Variants in BACE1 observed in about 807,000 individuals in gnomAD.
BACE1 encodes beta-secretase 1, also known as APP beta-secretase.
In BACE1, 21 loss-of-function variants were observed where a neutral mutation model predicts 54.0. The observed-to-expected ratio is 0.39, with a 90% CI of 0.28 to 0.56. The LOEUF is 0.56. BACE1 is among the 20% of genes least tolerant of loss of function. The pLI is 0.63. For synonymous variants in BACE1, 232 were observed against 260.9 expected (o/e 0.89, Z 1.07); for missense variants, 511 against 661.2 (o/e 0.77, Z 2.49).
At chr11:117,300,620 C>T (rs2034704597) in intron 1 of BACE1, among the ~76,000 whole-genome samples, 2 of 152,194 alleles carry the variant, frequency 1.3e-5, no homozygotes, top group African/African-American at 4.8e-5. Flanking sequence ...GGTCACTGAA[C>T]TGGGCCAGGG....
At chr11:117,300,225 A>G (rs907287656) in intron 1 of BACE1, among the ~76,000 whole-genome samples, 1 of 151,584 alleles carries the variant, frequency 6.6e-6, no homozygotes, top group African/African-American at 2.4e-5. Context: ...CCCCAATACT[A>G]CGATTTCAGG....
chr11:117,310,056 G>A (rs2034912159), intron 1 of BACE1, among the ~76,000 whole-genome samples: 1 of 151,920 alleles, frequency 6.6e-6, no homozygotes, highest in South Asian at 2.1e-4. Flanking sequence ...TTACAGGCAT[G>A]CAGCACCACA....
At position 117,315,857 on chromosome 11, in the gene BACE1, G is replaced by A. The variant is rs918365873; in HGVS notation, c.-62C>T. 3.7e-6 allele frequency: 5 copies of A among 1,366,702 alleles called. No homozygotes were observed. In the African/African-American group the frequency reaches 7.7e-5, roughly 21 times the overall value. 84.7% of individuals were successfully genotyped at this position (1,366,702 alleles called of 1,614,324 possible). On this transcript the variant is annotated 5_prime_UTR_variant, in exon 1 of 9. Transcript: ENST00000313005. The surrounding 1 kb of genome is among the most constrained non-coding windows in gnomAD (Gnocchi z 5.5). ...TGGCCCACGTCCGTCCCTGGCGCCT[G>A]CCCCCAAGTCTGGGTGGTGCTGGTG... is the stretch of plus-strand genomic sequence containing the variant.
At position 117,293,774 on chromosome 11, in the gene BACE1, C is replaced by T. The variant is rs1433107888; in HGVS notation, c.705+97G>A. 8.4e-6 allele frequency: 11 copies of T among 1,313,040 alleles called. No individual in the cohort carries two copies. The highest frequency in any genetic ancestry group is 5.2e-5 in the East Asian group (2 of 38,604). The allele number at this position is 1,313,040 out of a possible 1,614,324, so 81.3% of individuals were successfully genotyped here. On this transcript the variant is annotated intron_variant, in intron 4 of 8. Transcript: ENST00000313005. The surrounding 1 kb of genome is among the most constrained non-coding windows in gnomAD (Gnocchi z 4.1). Reference sequence around the variant, plus strand: ...AGAGGTTCCTCCTGATTCTAAGTATCGGAGCCAAAACTGTGGTGTAGCTTT... The same window carrying T: ...AGAGGTTCCTCCTGATTCTAAGTATTGGAGCCAAAACTGTGGTGTAGCTTT...
At chr11:117,311,902 G>A (rs556009491) in intron 1 of BACE1, among the ~76,000 whole-genome samples, 32 of 152,264 alleles carry the variant, frequency 2.1e-4, no homozygotes, top group African/African-American at 7.5e-4. Context: ...GCCTCCCAAA[G>A]TGCTGGGATT....
rs761525173 is a variant in BACE1 at position 117,291,794 on chromosome 11, A to G, written c.860T>C (p.Ile287Thr). The G allele has an allele frequency of 6.2e-7, 1 of 1,612,436 alleles. No homozygotes were observed. The highest frequency in any genetic ancestry group is 8.5e-7 in the Non-Finnish European group (1 of 1,178,694). ...DCKEYNYDKS[I>T]VDSGTTNLRL... ...AAGGTTGGTGGTGCCACTGTCCACA[A>G]TGCTCTTGTCATAGTTGTACTAAGA... The change falls in exon 6 of 9, where the codon ATT becomes ACT. Residue 287 changes from isoleucine to threonine, a missense_variant. Transcript: ENST00000313005.
Position 117,288,362 on chromosome 11 carries a change from AC to A in BACE1, c.*1203del, listed in dbSNP as rs2134437362. 2 of 152,618 alleles carry A rather than the reference AC, an allele frequency of 1.3e-5. No homozygotes were observed. The highest frequency in any genetic ancestry group is 3.9e-4 in the East Asian group (2 of 5,176). The allele number at this position is 152,618 out of a possible 1,614,324, so 9.5% of individuals were successfully genotyped here. A position where few individuals can be genotyped will look rare whatever the true frequency, so the allele number is the denominator to read the frequency against. On this transcript the variant is annotated 3_prime_UTR_variant, in exon 9 of 9. Coordinates refer to ENST00000313005, the MANE Select transcript of BACE1 (RefSeq NM_012104.6). ...GAGAGGGTAGGAAGGCAATGAAACC[AC>A]TCTGAATTATGTAAAGATCTTGCTA...
At chr11:117,295,787 G>A (rs2034584810) in intron 2 of BACE1, 2 of 768,026 alleles carry the variant, frequency 2.6e-6, no homozygotes, top group African/African-American at 1.9e-5. Flanking sequence ...TGCCAGGCAG[G>A]GTGAATGTGG....
chr11:117,310,215 G>A (rs753896577), intron 1 of BACE1, among the ~76,000 whole-genome samples: 7 of 151,550 alleles, frequency 4.6e-5, no homozygotes, highest in South Asian at 2.1e-4. Flanking sequence ...TGGCCCTTTC[G>A]TTTAAAAGAA....
intron 1 of BACE1, among the ~76,000 whole-genome samples, chr11:117,305,990 C>T (rs770902432): frequency 1.3e-5 from 2 of 152,042 alleles, no homozygotes; most frequent in African/African-American, 4.8e-5. Flanking sequence ...GAGCCCAGAT[C>T]GCACCACTGC....
chr11:117,302,754 G>C (rs1340348760), intron 1 of BACE1, among the ~76,000 whole-genome samples: 1 of 152,050 alleles, frequency 6.6e-6, no homozygotes, highest in Admixed American at 6.5e-5. Context: ...GCATGGTGGC[G>C]CACACCTGTA....
In BACE1 at chr11:117,295,585, T is replaced by C. The variant is rs139344647; in HGVS notation, c.351-238A>G. On this transcript the variant is annotated intron_variant, in intron 2 of 8. Coordinates refer to ENST00000313005, the MANE Select transcript of BACE1 (RefSeq NM_012104.6). The stretch of plus-strand genomic sequence containing the variant: ...CTCTCCTATCTATTGCTCATATTCC[T>C]AGATCTTGAGCTCAGGCCCTGTGAA... The C allele has an allele frequency of 1.3e-4, 193 of 1,535,670 alleles. 2 individuals are homozygous for C. The East Asian group carries it at 3.5e-3, about 28-fold the overall frequency.
At chr11:117,299,738 A>G (rs1482248231) in intron 1 of BACE1, 2 of 345,942 alleles carry the variant, frequency 5.8e-6, no homozygotes, top group Non-Finnish European at 1.1e-5. Flanking sequence ...TGGGAGGCTC[A>G]GCAGTTCAGA....
In BACE1 at chr11:117,293,992, T is replaced by C; in HGVS notation, c.584A>G (p.Glu195Gly). The change falls in exon 4 of 9, where the codon GAG (glutamate) becomes GGG (glycine). Residue 195 changes from glutamate to glycine, a missense_variant. Coordinates refer to ENST00000313005, the MANE Select transcript of BACE1 (RefSeq NM_012104.6). The surrounding 1 kb of genome is among the most constrained non-coding windows in gnomAD (Gnocchi z 4.1). ...CTTTACCAGAGAGTCAAAGAAAGGC[T>C]CCAGGGAGTCGTCAGGCTTTGGCAG... The part of the protein sequence containing the change: ...AEIARPDDSL[E>G]PFFDSLVKQT... 1 of 1,613,614 alleles carries C rather than the reference T, an allele frequency of 6.2e-7. No individual in the cohort carries two copies. The highest frequency in any genetic ancestry group is 8.5e-7 in the Non-Finnish European group (1 of 1,179,814).
intron 1 of BACE1, among the ~76,000 whole-genome samples, chr11:117,306,682 G>A (rs956425275): frequency 1.3e-5 from 2 of 152,064 alleles, no homozygotes; most frequent in Non-Finnish European, 2.9e-5. Context: ...GTGGTTGTGC[G>A]TGCCCGTAGT....
chr11:117,296,853 G>C lies in BACE1; in HGVS notation c.350+20C>G. On this transcript the variant is annotated intron_variant, in intron 2 of 8. Coordinates refer to ENST00000313005, the MANE Select transcript of BACE1 (RefSeq NM_012104.6). ...GATCCTTGGAAAAGGTACTTCCCCC[G>C]GGCTCTCCCCAGGACTCACAGCTGC... 6.3e-7 allele frequency: 1 copy of C among 1,594,012 alleles called. No individual in the cohort carries two copies.
At position 117,315,671 on chromosome 11, in the gene BACE1, C is replaced by T; in HGVS notation, c.125G>A (p.Arg42Gln). ...SGLGGAPLGL[R>Q]LPRETDEEPE... ...CTCTTCGTCGGTCTCCCGGGGCAGC[C>T]GCAGCCCCAGGGGGGCGCCCCCCAG... Residue 42 changes from arginine (R) to glutamine (Q), a missense_variant, in exon 1 of 9, where the codon CGG becomes CAG. Physicochemically the swap from Arg to Gln is conservative, Grantham distance 43 (BLOSUM62 1). Around this residue, in one of 2 missense-constraint regions of BACE1, gnomAD observed 104 missense variants for 95.5 expected, o/e 1.09. Transcript: ENST00000313005. This position sits in a 1 kb window ranked among gnomAD's most constrained non-coding sequence, Gnocchi z 5.5. The T allele has an allele frequency of 6.5e-7, 1 of 1,544,296 alleles. No homozygotes were observed. Among genetic ancestry groups the T allele is most frequent in the Non-Finnish European group, 8.7e-7 (1 of 1,147,740 alleles).
intron 1 of BACE1, among the ~76,000 whole-genome samples, chr11:117,313,559 T>C (rs1314106749): frequency 6.6e-6 from 1 of 152,138 alleles, no homozygotes; most frequent in Non-Finnish European, 1.5e-5. Flanking sequence ...CTCAGCCTCC[T>C]GAGTAGCTGG....
chr11:117,294,076 A>G (rs2034531642), intron 3 of BACE1, 68 bp from the exon 4 acceptor site: 1 of 1,542,222 alleles, frequency 6.5e-7, no homozygotes. Context: ...CTTCCTGTCT[A>G]AACTGGAAGG....
Sources: gnomAD v4.1 joint callset for allele counts (sites outside exome capture counted in the v4.1 genomes callset) on GRCh38, gnomAD v4.1.1 for gene constraint, gnomAD v4.1.1 regional missense constraint, Gnocchi (gnomAD v3.1) non-coding constraint, MANE v1.5 for transcripts, NCBI Gene and HGNC (gene_info 2026-07-23, HGNC 2026-07-21) for gene names.